C12orf54: variants seen among roughly 807,000 people sequenced by gnomAD.
C12orf54 encodes chromosome 12 open reading frame 54.
Under a neutral mutation model 26.4 loss-of-function variants are expected in C12orf54, and 24 were observed. That is an observed-to-expected ratio of 0.91 (90% confidence interval 0.66 to 1.28). The LOEUF (loss-of-function observed/expected upper bound fraction) is 1.28, where lower values mean the gene tolerates loss of function less well. Among genes scored for constraint, C12orf54 ranks in the 50% most tolerant of loss-of-function variants. The pLI is 0.00. For synonymous variants in C12orf54, 54 were observed against 47.0 expected (o/e 1.15, Z -0.61); for missense variants, 154 against 150.9 (o/e 1.02, Z -0.11).
At chr12:48,437,994 C>T in the C12orf54 span, among the ~76,000 whole-genome samples, 1 of 152,230 alleles carries the variant, frequency 6.6e-6, no homozygotes, top group East Asian at 1.9e-4. Context: ...GATTGTATAC[C>T]TAGAAAACCC....
the C12orf54 span, among the ~76,000 whole-genome samples, chr12:48,429,506 C>A: frequency 2.0e-5 from 3 of 151,896 alleles, no homozygotes; most frequent in Non-Finnish European, 4.4e-5. Flanking sequence ...AAATCAGTAG[C>A]TCTCCCATAC....
the C12orf54 span, among the ~76,000 whole-genome samples, chr12:48,425,584 T>C: frequency 5.3e-5 from 8 of 152,124 alleles, no homozygotes; most frequent in Non-Finnish European, 1.0e-4. Flanking sequence ...TTCCTCTGGG[T>C]ATATACCCAG....
At chr12:48,462,315 TTAAATAA>T in the C12orf54 span, among the ~76,000 whole-genome samples, 2 of 151,496 alleles carry the variant, frequency 1.3e-5, no homozygotes, top group East Asian at 1.9e-4. Flanking sequence ...ACTTCCACAT[TTAAATAA>T]TAAATAATAA....
chr12:48,477,512 AG>A (rs1323290443), upstream of C12orf54, among the ~76,000 whole-genome samples: 1 of 152,232 alleles, frequency 6.6e-6, no homozygotes, highest in Non-Finnish European at 1.5e-5. Flanking sequence ...AGACTAATAA[AG>A]AAGAAAATAG....
chr12:48,424,621 C>G, the C12orf54 span, among the ~76,000 whole-genome samples: 4 of 152,066 alleles, frequency 2.6e-5, no homozygotes, highest in Admixed American at 6.6e-5. Flanking sequence ...CAGAATAGTA[C>G]AGACACTTTG....
At chr12:48,437,930 G>C in the C12orf54 span, among the ~76,000 whole-genome samples, 9 of 152,098 alleles carry the variant, frequency 5.9e-5, no homozygotes, top group South Asian at 2.1e-4. Flanking sequence ...AGGAAATAAA[G>C]GGCATTCAGT....
upstream of C12orf54, among the ~76,000 whole-genome samples, chr12:48,481,253 G>T (rs1437440906): frequency 6.6e-6 from 1 of 152,034 alleles, no homozygotes; most frequent in Non-Finnish European, 1.5e-5. Flanking sequence ...GGGGTGGTTT[G>T]AGAGAGGTAG....
At chr12:48,456,495 G>A in the C12orf54 span, among the ~76,000 whole-genome samples, 1 of 152,216 alleles carries the variant, frequency 6.6e-6, no homozygotes, top group Non-Finnish European at 1.5e-5. Flanking sequence ...GAAGAGAGAT[G>A]TGAACAGGTA....
the C12orf54 span, among the ~76,000 whole-genome samples, chr12:48,427,382 A>G: frequency 2.6e-5 from 4 of 152,148 alleles, no homozygotes; most frequent in African/African-American, 9.7e-5. Flanking sequence ...AATCACATTT[A>G]TTGATTTGCA....
chr12:48,480,091 A>T (rs551695382), upstream of C12orf54, among the ~76,000 whole-genome samples: 3 of 152,282 alleles, frequency 2.0e-5, no homozygotes, highest in African/African-American at 7.2e-5. Flanking sequence ...AGCTTCATTT[A>T]AAAAAGTTAT....
chr12:48,478,858 A>T (rs1954171125), upstream of C12orf54, among the ~76,000 whole-genome samples: 1 of 152,228 alleles, frequency 6.6e-6, no homozygotes, highest in South Asian at 2.1e-4. Context: ...TTAAAAAGTC[A>T]GGAAACAACA....
chr12:48,454,966 A>G, the C12orf54 span, among the ~76,000 whole-genome samples: 1 of 152,110 alleles, frequency 6.6e-6, no homozygotes. Context: ...TTTTCCTTCC[A>G]ACTTTTAGGT....
At chr12:48,485,957 A>G (rs1029372553) in intron 2 of C12orf54, among the ~76,000 whole-genome samples, 3 of 152,130 alleles carry the variant, frequency 2.0e-5, no homozygotes, top group African/African-American at 7.2e-5. Context: ...AGAGTTCTCA[A>G]AGGGCTTCCA....
chr12:48,433,458 G>T, the C12orf54 span, among the ~76,000 whole-genome samples: 166 of 110,360 alleles, frequency 1.5e-3, no homozygotes, highest in East Asian at 0.094. Context: ...TTTTTTTTGG[G>T]GGGGGGGGGG....
chr12:48,415,447 A>G, the C12orf54 span, among the ~76,000 whole-genome samples: 1 of 152,192 alleles, frequency 6.6e-6, no homozygotes, highest in Non-Finnish European at 1.5e-5. Context: ...TACAAAATCC[A>G]GTGGTAGCTT....
At chr12:48,490,961 C>T in intron 6 of C12orf54, 125 bp downstream of exon 6, 6 of 1,193,508 alleles carry the variant, frequency 5.0e-6, no homozygotes, top group Non-Finnish European at 7.3e-6. Flanking sequence ...TGGAGTTCAT[C>T]CCAAAGTCTC....
chr12:48,473,048 G>A, the C12orf54 span: 1 of 1,614,110 alleles, frequency 6.2e-7, no homozygotes, highest in African/African-American at 1.3e-5. Flanking sequence ...TAACCAACCT[G>A]AACAACTACT....
At chr12:48,439,604 G>T in the C12orf54 span, among the ~76,000 whole-genome samples, 1 of 152,164 alleles carries the variant, frequency 6.6e-6, no homozygotes, top group Non-Finnish European at 1.5e-5. Context: ...GTAGGGACAT[G>T]GATGAAGCTG....
chr12:48,485,980 T>C (rs1317487335), intron 2 of C12orf54, among the ~76,000 whole-genome samples, 198 bp from the exon 3 acceptor site: 1 of 152,148 alleles, frequency 6.6e-6, no homozygotes, highest in African/African-American at 2.4e-5. Flanking sequence ...ATAGTCAAGA[T>C]ACTTGGAAGA....
Sources: gnomAD v4.1 joint callset for allele counts (sites outside exome capture counted in the v4.1 genomes callset) on GRCh38, gnomAD v4.1.1 for gene constraint, MANE v1.5 for transcripts, NCBI Gene and HGNC (gene_info 2026-07-23, HGNC 2026-07-21) for gene names.